The following KLHL25 variants were observed in gnomAD, a reference collection of about 807,000 sequenced individuals.
The protein encoded by KLHL25 is kelch like family member 25.
A neutral mutation model predicts 30.0 loss-of-function variants in KLHL25; 41 were observed. The observed-to-expected ratio is 1.37, with a 90% CI of 1.07 to 1.78. The LOEUF (loss-of-function observed/expected upper bound fraction) is 1.78, where lower values mean the gene tolerates loss of function less well. Among genes scored for constraint, KLHL25 ranks in the 40% most tolerant of loss-of-function variants. KLHL25 has a pLI of 0.00. For missense variants in KLHL25, 971 were observed against 824.5 expected, an observed-to-expected ratio of 1.18 and a Z score of -2.18; for synonymous variants, 399 against 355.3, an observed-to-expected ratio of 1.12 and a Z score of -1.38.
At position 85,789,656 on chromosome 15, in the gene KLHL25, G is replaced by T. The variant is rs1032769360; in HGVS notation, c.-11+5110C>A. On this transcript the variant is annotated intron_variant, in intron 1 of 2. Coordinates refer to ENST00000337975, the MANE Select transcript of KLHL25 (RefSeq NM_022480.4). This position sits in a 1 kb window ranked among gnomAD's most constrained non-coding sequence, Gnocchi z 4.1. ...ATCCCACCAGGGAAGTCTCACCCTA[G>T]TCATTCCAGAGGGGGTCATCCTGGT... Among the ~76,000 whole-genome samples, 1 of 152,144 alleles carries T rather than the reference G, an allele frequency of 6.6e-6. No individual in the cohort carries two copies. The highest frequency in any genetic ancestry group is 6.5e-5 in the Admixed American group (1 of 15,276).
chr15:85,765,687 C>A (rs1305534435), intron 2 of KLHL25, among the ~76,000 whole-genome samples: 3 of 150,050 alleles, frequency 2.0e-5, no homozygotes, highest in African/African-American at 7.4e-5. Context: ...AAAAAGCAAG[C>A]CAGATGCGGT....
At chr15:85,784,182 C>T (rs1299226981) in intron 1 of KLHL25, among the ~76,000 whole-genome samples, 1 of 152,146 alleles carries the variant, frequency 6.6e-6, no homozygotes, top group African/African-American at 2.4e-5. Context: ...AATTGGTTGA[C>T]CTTAAAGAAG....
chr15:85,770,941 T>G (rs979747919), intron 1 of KLHL25: 2 of 235,926 alleles, frequency 8.5e-6, no homozygotes, highest in Non-Finnish European at 1.7e-5. Context: ...TTCAGTACTT[T>G]GAACTCAAGG....
At chr15:85,777,114 G>C (rs987304365) in intron 1 of KLHL25, among the ~76,000 whole-genome samples, 1 of 152,156 alleles carries the variant, frequency 6.6e-6, no homozygotes, top group Non-Finnish European at 1.5e-5. Flanking sequence ...ACAGGAATGG[G>C]CTGCCCATGG....
chr15:85,772,737 A>C (rs1354927027), intron 1 of KLHL25, among the ~76,000 whole-genome samples: 2 of 152,240 alleles, frequency 1.3e-5, no homozygotes, highest in African/African-American at 4.8e-5. Context: ...GGTCCAGAGA[A>C]GGAGGCAGAG....
intron 1 of KLHL25, among the ~76,000 whole-genome samples, chr15:85,793,116 T>A (rs1199240205): frequency 7.0e-6 from 1 of 142,084 alleles, no homozygotes; most frequent in African/African-American, 2.6e-5. Context: ...TTTCACTGGG[T>A]AATTGTTCTC....
At chr15:85,784,727 G>A (rs1042776724) in intron 1 of KLHL25, among the ~76,000 whole-genome samples, 4 of 152,098 alleles carry the variant, frequency 2.6e-5, no homozygotes, top group Non-Finnish European at 4.4e-5. Context: ...TAAGGAACTC[G>A]ATTCTGCCAA....
In KLHL25 at chr15:85,789,114, G is replaced by T. The variant is rs949151186; in HGVS notation, c.-11+5652C>A. Among the ~76,000 whole-genome samples, 1 of 152,080 alleles carries T rather than the reference G, an allele frequency of 6.6e-6. No individual in the cohort carries two copies. The highest frequency in any genetic ancestry group is 1.5e-5 in the Non-Finnish European group (1 of 68,014). The stretch of plus-strand genomic sequence containing the variant: ...TCAGCCTCTCCTTGGGGGCCCAATG[G>T]GAACAGGCAAAAAATGTAAGCAAGG... On this transcript the variant is annotated intron_variant, in intron 1 of 2. Coordinates refer to ENST00000337975, the MANE Select transcript of KLHL25 (RefSeq NM_022480.4). The surrounding 1 kb of genome is among the most constrained non-coding windows in gnomAD (Gnocchi z 4.1).
At chr15:85,764,724 G>GC (rs1394250375) in intron 2 of KLHL25, among the ~76,000 whole-genome samples, 1 of 152,198 alleles carries the variant, frequency 6.6e-6, no homozygotes, top group African/African-American at 2.4e-5. Context: ...GGCCCTTGCA[G>GC]CCCACAGCAC....
chr15:85,794,570 G>A (rs970863425), intron 1 of KLHL25, among the ~76,000 whole-genome samples, 196 bp downstream of exon 1: 5 of 152,136 alleles, frequency 3.3e-5, no homozygotes, highest in African/African-American at 7.2e-5. Context: ...GCGGGGTGCC[G>A]GCCGGCCGCC....
Position 85,769,132 on chromosome 15 carries a change from C to T in KLHL25, c.679G>A (p.Val227Ile), listed in dbSNP as rs574080410. Residue 227 changes from valine (V) to isoleucine (I), a missense_variant, in exon 2 of 3, where the codon GTC becomes ATC. Transcript: ENST00000337975. The part of the protein sequence containing the change: ...WVKHDLEPRK[V>I]HLPELLRSVR... The stretch of plus-strand genomic sequence containing the variant: ...CTGCGGAGGAGCTCGGGCAAGTGGA[C>T]CTTCCGTGGCTCCAGGTCGTGCTTC... 1 of 1,608,150 alleles carries T rather than the reference C, an allele frequency of 6.2e-7. No homozygotes were observed. The highest frequency in any genetic ancestry group is 1.3e-5 in the African/African-American group (1 of 74,968).
rs1267048704 is a variant in KLHL25, at chr15:85,769,048, G to C, written c.763C>G (p.Leu255Val). Residue 255 changes from leucine (L) to valine (V), a missense_variant, in exon 2 of 3, where the codon CTC becomes GTC. Coordinates refer to ENST00000337975, the MANE Select transcript of KLHL25 (RefSeq NM_022480.4). ...CLQEAVSSEA[L>V]LMADERTKLI... ...TTGGTGCGCTCGTCTGCCATGAGGA[G>C]GGCCTCGCTGGAGACGGCCTCCTGC... 5 of 1,607,142 alleles carry C rather than the reference G, an allele frequency of 3.1e-6. No individual in the cohort carries two copies. Among genetic ancestry groups the C allele is most frequent in the Non-Finnish European group, 4.3e-6 (5 of 1,176,386 alleles).
In KLHL25 at chr15:85,768,483, T is replaced by C; in HGVS notation, c.1328A>G (p.Lys443Arg). The change falls in exon 2 of 3, where the codon AAG becomes AGG. Residue 443 changes from lysine to arginine, a missense_variant. Coordinates refer to ENST00000337975, the MANE Select transcript of KLHL25 (RefSeq NM_022480.4). ...GVSNAAVVSA[K>R]LKLFVFGGTS... ...TCCTCCGAAAACAAAGAGCTTCAGC[T>C]TGGCACTCACCACTGCGGCATTGCT... 6.2e-7 allele frequency: 1 copy of C among 1,613,712 alleles called. No individual in the cohort carries two copies. The highest frequency in any genetic ancestry group is 8.5e-7 in the Non-Finnish European group (1 of 1,180,000).
At chr15:85,775,121 C>T (rs1400888973) in intron 1 of KLHL25, among the ~76,000 whole-genome samples, 1 of 152,182 alleles carries the variant, frequency 6.6e-6, no homozygotes, top group Non-Finnish European at 1.5e-5. Context: ...AGGTGATCTG[C>T]CCGTCTTAGC....
chr15:85,768,173 G>C lies in KLHL25; in HGVS notation c.1638C>G (p.Tyr546Ter). Residue 546 changes from tyrosine to a stop codon, truncating the protein, a stop_gained, in exon 2 of 3, where the codon TAC becomes TAG. Coordinates refer to ENST00000337975, the MANE Select transcript of KLHL25 (RefSeq NM_022480.4). LOFTEE classifies it low-confidence loss of function (END_TRUNC). Reference protein sequence around the residue: ...SGNKLYVVGGYFGTQRCKTLD... With the variant: ...SGNKLYVVGG Reference sequence around the variant, plus strand: ...GAGTCTTACACCTCTGGGTCCCAAAGTAGCCCCCGACCACATAGAGCTTGT... The same window carrying C: ...GAGTCTTACACCTCTGGGTCCCAAACTAGCCCCCGACCACATAGAGCTTGT... 6.2e-7 allele frequency: 1 copy of C among 1,614,248 alleles called. No homozygotes were observed. The highest frequency in any genetic ancestry group is 1.1e-5 in the South Asian group (1 of 91,086).
chr15:85,792,189 G>A (rs1701294360), intron 1 of KLHL25, among the ~76,000 whole-genome samples: 1 of 152,172 alleles, frequency 6.6e-6, no homozygotes, highest in Admixed American at 6.5e-5. Flanking sequence ...TGATTGATAA[G>A]TCCTGTTGGG....
intron 1 of KLHL25, among the ~76,000 whole-genome samples, chr15:85,781,407 C>A (rs1475949513): frequency 6.6e-6 from 1 of 152,194 alleles, no homozygotes; most frequent in Admixed American, 6.5e-5. Context: ...ATAGTTTTGA[C>A]CTTGTGGACT....
intron 1 of KLHL25, among the ~76,000 whole-genome samples, chr15:85,781,644 G>A (rs1469202533): frequency 1.3e-5 from 2 of 151,932 alleles, no homozygotes; most frequent in Non-Finnish European, 2.9e-5. Context: ...CCACCATGCC[G>A]GCTAATTTTT....
intron 2 of KLHL25, among the ~76,000 whole-genome samples, chr15:85,765,631 AAAAAG>A (rs1258656829): frequency 8.0e-5 from 10 of 125,616 alleles, no homozygotes; most frequent in East Asian, 2.3e-4. Flanking sequence ...CAAAAAAAAA[AAAAAG>A]AAGAAGAAGA....
Sources: allele counts gnomAD v4.1 joint callset (sites outside exome capture counted in the v4.1 genomes callset), GRCh38; gene constraint gnomAD v4.1.1; non-coding constraint Gnocchi (gnomAD v3.1); transcripts MANE v1.5; gene names NCBI Gene and HGNC (gene_info 2026-07-23, HGNC 2026-07-21).